The following FLT1 variants were observed in gnomAD, a reference collection of about 807,000 sequenced individuals.
The protein encoded by FLT1 is fms related receptor tyrosine kinase 1, also known as vascular endothelial growth factor receptor 1.
In FLT1, 49 loss-of-function variants were observed where a neutral mutation model predicts 156.3. That is an observed-to-expected ratio of 0.31 (90% CI 0.25 to 0.40). The LOEUF (loss-of-function observed/expected upper bound fraction) is 0.40. Ranked by LOEUF, FLT1 falls within the 10% of genes least tolerant of loss-of-function variation. The pLI is 1.00. For missense variants in FLT1, 1,322 were observed against 1,637.2 expected (o/e 0.81, Z 3.32); for synonymous variants, 594 against 583.8 (o/e 1.02, Z -0.25).
rs1489420353 is a variant in FLT1, at chr13:28,390,098, G to A, written c.1667C>T (p.Pro556Leu). ...RNISFYITDV[P>L]NGFHVNLEKM... ...TTCCAAGTTAACATGAAACCCATTT[G>A]GCACATCTATAAAATAAGAATAAAG... Residue 556 changes from proline to leucine, a missense_variant, in exon 13 of 30, where the codon CCA becomes CTA. Coordinates refer to ENST00000282397, the MANE Select transcript of FLT1 (RefSeq NM_002019.4). 2 of 1,612,796 alleles carry A rather than the reference G, an allele frequency of 1.2e-6. No homozygotes were observed. Among genetic ancestry groups the A allele is most frequent in the Non-Finnish European group, 8.5e-7 (1 of 1,178,866 alleles).
intron 8 of FLT1, among the ~76,000 whole-genome samples, chr13:28,428,665 AT>A (rs1877494103): frequency 6.6e-6 from 1 of 152,106 alleles, no homozygotes; most frequent in African/African-American, 2.4e-5. Flanking sequence ...ATTTTCTCAA[AT>A]TTTCTAGAGG....
At chr13:28,433,129 G>T (rs118119123) in intron 6 of FLT1, among the ~76,000 whole-genome samples, 1 of 152,156 alleles carries the variant, frequency 6.6e-6, no homozygotes, top group Admixed American at 6.5e-5. Flanking sequence ...GAGATATGCC[G>T]CATAAATCAT....
At position 28,319,484 on chromosome 13, in the gene FLT1, G is replaced by A. The variant is rs752304404; in HGVS notation, c.3225C>T (p.Ile1075=). 6.2e-7 allele frequency: 1 copy of A among 1,614,048 alleles called. No homozygotes were observed. Among genetic ancestry groups the A allele is most frequent in the Non-Finnish European group, 8.5e-7 (1 of 1,179,934 alleles). Residue 1075 remains isoleucine, a synonymous_variant, in exon 24 of 30, where the codon ATC becomes ATT. Coordinates refer to ENST00000282397, the MANE Select transcript of FLT1 (RefSeq NM_002019.4). ...WMAPESIFDK[I]YSTKSDVWSY... ...ACCACACGTCGCTCTTGGTGCTGTA[G>A]ATTTTGTCAAAGATAGATTCAGGAG...
At chr13:28,372,997 G>A (rs1472317368) in intron 14 of FLT1, among the ~76,000 whole-genome samples, 1 of 152,138 alleles carries the variant, frequency 6.6e-6, no homozygotes, top group African/African-American at 2.4e-5. Context: ...AGCTATATGA[G>A]TTCAAATACT....
Position 28,322,884 on chromosome 13 carries a change from C to T in FLT1, c.2859G>A (p.Lys953=). The change falls in exon 21 of 30, where the codon AAG becomes AAA. Residue 953 remains lysine, a synonymous_variant. Coordinates refer to ENST00000282397, the MANE Select transcript of FLT1 (RefSeq NM_002019.4). The surrounding 1 kb of genome is among the most constrained non-coding windows in gnomAD (Gnocchi z 4.3). ...TGGTGACGCTATCTAGTCTTGGTTT[C>T]TTGCCTTGTTCCAGGCCTGGCTCCA... ...EKMEPGLEQG[K]KPRLDSVTSS... 2 of 1,614,144 alleles carry T rather than the reference C, an allele frequency of 1.2e-6. No individual in the cohort carries two copies. Among genetic ancestry groups the T allele is most frequent in the South Asian group, 1.1e-5 (1 of 91,084 alleles).
chr13:28,433,819 T>G lies in FLT1; in HGVS notation c.813A>C (p.Glu271Asp). The G allele has an allele frequency of 6.2e-7, 1 of 1,613,782 alleles. No homozygotes were observed. Among genetic ancestry groups the G allele is most frequent in the African/African-American group, 1.3e-5 (1 of 75,008 alleles). ...RVQMTWSYPD[E>D]KNKRASVRRR... ...AGAAATAGAAAAATGGGTCACTCACTTCATCAGGGTAACTCCAGGTCATTT... is the reference window on the plus strand; with the variant it reads ...AGAAATAGAAAAATGGGTCACTCACGTCATCAGGGTAACTCCAGGTCATTT... The change falls in exon 6 of 30, where the codon GAA becomes GAC. Residue 271 changes from glutamate (E) to aspartate (D), a missense_variant and splice_region_variant. Coordinates refer to ENST00000282397, the MANE Select transcript of FLT1 (RefSeq NM_002019.4).
chr13:28,432,182 AG>A (rs914839768), intron 6 of FLT1, among the ~76,000 whole-genome samples: 1 of 151,978 alleles, frequency 6.6e-6, no homozygotes, highest in African/African-American at 2.4e-5. Flanking sequence ...CCATAGTCAT[AG>A]GGGGCGGAGG....
rs2138799333 is a variant in FLT1 at position 28,301,532 on chromosome 13, T to TA, written c.*1634dup. The TA allele has an allele frequency of 4.3e-6, 1 of 233,190 alleles. No homozygotes were observed. The highest frequency in any genetic ancestry group is 1.8e-4 in the South Asian group (1 of 5,528). 14.4% of individuals were successfully genotyped at this position (233,190 alleles called of 1,614,324 possible). On this transcript the variant is annotated 3_prime_UTR_variant, in exon 30 of 30. Coordinates refer to ENST00000282397, the MANE Select transcript of FLT1 (RefSeq NM_002019.4). ...CAGAGGCATACATTCTTCGGTTACTTAGAGCTCAGGTTCTACAGTTAAATT... is the reference window on the plus strand; with the variant it reads ...CAGAGGCATACATTCTTCGGTTACTTAAGAGCTCAGGTTCTACAGTTAAATT...
intron 10 of FLT1, 73 bp downstream of exon 10, chr13:28,427,086 C>G (rs537566673): frequency 7.5e-7 from 1 of 1,339,592 alleles, no homozygotes; most frequent in Non-Finnish European, 1.1e-6. Context: ...TTCCCATCTG[C>G]GTCCATTAAA....
chr13:28,366,701 CCT>C (rs1370561492), intron 14 of FLT1, among the ~76,000 whole-genome samples: 1 of 152,008 alleles, frequency 6.6e-6, no homozygotes, highest in Non-Finnish European at 1.5e-5. Context: ...GAACTCCTGA[CCT>C]CAGGTAATCC....
intron 1 of FLT1, among the ~76,000 whole-genome samples, chr13:28,486,622 G>A (rs1881183700): frequency 1.0e-5 from 1 of 100,148 alleles, no homozygotes; most frequent in African/African-American, 2.9e-5. Flanking sequence ...AGTCTAGACG[G>A]GCAATTCACT....
At chr13:28,353,976 T>C (rs1013613788) in intron 15 of FLT1, among the ~76,000 whole-genome samples, 2 of 152,230 alleles carry the variant, frequency 1.3e-5, no homozygotes, top group African/African-American at 4.8e-5. Flanking sequence ...ACCAACCTCT[T>C]TAAATCTGTT....
At chr13:28,371,689 T>C (rs1198674917) in intron 14 of FLT1, among the ~76,000 whole-genome samples, 1 of 152,108 alleles carries the variant, frequency 6.6e-6, no homozygotes, top group East Asian at 1.9e-4. Flanking sequence ...TTGGCTAAGA[T>C]CTATGGTAAG....
intron 20 of FLT1, 124 bp downstream of exon 20, chr13:28,327,338 C>T (rs1471482051): frequency 1.4e-5 from 10 of 697,138 alleles, no homozygotes; most frequent in Middle Eastern, 3.3e-4. Flanking sequence ...GGAGAAGAAG[C>T]AGAGATTGAG....
intron 10 of FLT1, among the ~76,000 whole-genome samples, chr13:28,418,456 A>G (rs937399636): frequency 1.3e-5 from 2 of 152,212 alleles, no homozygotes; most frequent in African/African-American, 4.8e-5. Flanking sequence ...TCCCAAACCT[A>G]TTCCCTGCAG....
chr13:28,436,093 G>A (rs988292117), intron 4 of FLT1, among the ~76,000 whole-genome samples: 33 of 152,132 alleles, frequency 2.2e-4, no homozygotes, highest in African/African-American at 7.7e-4. Flanking sequence ...TATCCATTAC[G>A]GCTGTTAGTA....
intron 10 of FLT1, among the ~76,000 whole-genome samples, chr13:28,420,904 G>C (rs1876961999): frequency 6.6e-6 from 1 of 152,034 alleles, no homozygotes; most frequent in Non-Finnish European, 1.5e-5. Flanking sequence ...GTAAACAATA[G>C]AGAAATGCAA....
chr13:28,449,996 C>G lies in FLT1; in HGVS notation c.389-11651G>C, dbSNP rs942989394. ...ATGTGGGTGTCTAGCGGCAGGGGATCAGGAAAACCGATTCCCCTCAATCCA... is the reference window on the plus strand; with the variant it reads ...ATGTGGGTGTCTAGCGGCAGGGGATGAGGAAAACCGATTCCCCTCAATCCA... On this transcript the variant is annotated intron_variant, in intron 3 of 29. Transcript: ENST00000282397. 1.3e-4 allele frequency among the ~76,000 whole-genome samples: 8 copies of G among 63,286 alleles called. No homozygotes were observed. The South Asian group carries it at 2.6e-3, about 21-fold the overall frequency. The allele number at this position is 63,286 out of a possible 152,430, so 41.5% of individuals were successfully genotyped here.
intron 17 of FLT1, among the ~76,000 whole-genome samples, chr13:28,338,665 G>C (rs1288616696): frequency 6.6e-6 from 1 of 152,140 alleles, no homozygotes; most frequent in Admixed American, 6.5e-5. Context: ...TGTGCAGAGG[G>C]TTTTTTTGAT....
Sources: allele counts gnomAD v4.1 joint callset (sites outside exome capture counted in the v4.1 genomes callset), GRCh38; gene constraint gnomAD v4.1.1; non-coding constraint Gnocchi (gnomAD v3.1); transcripts MANE v1.5; gene names NCBI Gene and HGNC (gene_info 2026-07-23, HGNC 2026-07-21).